The following BAHCC1 variants were observed in gnomAD, a reference collection of about 807,000 sequenced individuals.
BAHCC1 encodes BAH domain and coiled-coil containing 1.
A neutral mutation model predicts 88.2 loss-of-function variants in BAHCC1; 43 were observed. The observed-to-expected ratio is 0.49, with a 90% CI of 0.38 to 0.63. BAHCC1 has a LOEUF of 0.63. BAHCC1 is among the 20% of genes least tolerant of loss of function. BAHCC1 has a pLI of 0.00. For synonymous variants in BAHCC1, 1,510 were observed against 745.5 expected, an observed-to-expected ratio of 2.03 and a Z score of -16.71; for missense variants, 3,023 against 1,654.8, an observed-to-expected ratio of 1.83 and a Z score of -14.34.
At chr17:81,455,213 G>T in intron 14 of BAHCC1, 54 bp from the exon 15 acceptor site, 1 of 699,622 alleles carries the variant, frequency 1.4e-6, no homozygotes, top group South Asian at 1.5e-5. Context: ...AGGGGGACAA[G>T]GCTGGGGCGG....
chr17:81,453,283 G>A (rs1167329234), intron 14 of BAHCC1, among the ~76,000 whole-genome samples: 11 of 152,234 alleles, frequency 7.2e-5, no homozygotes, highest in African/African-American at 1.4e-4. Flanking sequence ...TTACCCGCCC[G>A]GCGCAGTCGT....
In BAHCC1 at chr17:81,444,561, C is replaced by T. The variant is rs1391908832; in HGVS notation, c.2505C>T (p.His835=). 14 of 725,170 alleles carry T rather than the reference C, an allele frequency of 1.9e-5. No individual in the cohort carries two copies. The highest frequency in any genetic ancestry group is 3.5e-5 in the Non-Finnish European group (14 of 396,676). 44.9% of individuals were successfully genotyped at this position (725,170 alleles called of 1,614,324 possible). A position where few individuals can be genotyped will look rare whatever the true frequency, so the allele number is the denominator to read the frequency against. The change falls in exon 7 of 28, where the codon CAC becomes CAT. Residue 835 remains histidine, a synonymous_variant. Transcript: ENST00000675386. ...GCCCCTCCCTGTGGATGGGGGGGCA[C>T]TCCTACGGTCAGTGATCCAAGGGCG... ...TRSPSLWMGG[H]SYGLGHPALH... is the part of the protein sequence containing the mutation.
At chr17:81,438,623 T>C in intron 4 of BAHCC1, 131 bp downstream of exon 4, 1 of 654,608 alleles carries the variant, frequency 1.5e-6, no homozygotes, top group Non-Finnish European at 2.8e-6. Flanking sequence ...GAGGCCAGGG[T>C]GGGGGCTAGA....
At position 81,457,412 on chromosome 17, in the gene BAHCC1, A is replaced by G. The variant is rs781790603; in HGVS notation, c.4861A>G (p.Ser1621Gly). 20 of 768,508 alleles carry G rather than the reference A, an allele frequency of 2.6e-5. No individual in the cohort carries two copies. Among genetic ancestry groups the G allele is most frequent in the Admixed American group, 1.4e-4 (8 of 57,386 alleles). 47.6% of individuals were successfully genotyped at this position (768,508 alleles called of 1,614,324 possible). ...PSVAASQEAG[S>G]GYDSEDCEGL... ...GGACCCCTCTGCCTCTCTCCCAGGC[A>G]GTGGCTATGACAGTGAGGACTGCGA... The change falls in exon 17 of 28, where the codon AGT becomes GGT. Residue 1621 changes from serine (S) to glycine (G), a missense_variant and splice_region_variant. By Grantham distance (56) the Ser-to-Gly change is moderately conservative. Transcript: ENST00000675386.
rs2064323911 is a variant in BAHCC1 at position 81,435,558 on chromosome 17, A to G, written c.359-2812A>G. The G allele has an allele frequency of 2.2e-6, 1 of 463,408 alleles. No individual in the cohort carries two copies. The highest frequency in any genetic ancestry group is 4.5e-6 in the Non-Finnish European group (1 of 222,822). The allele number at this position is 463,408 out of a possible 1,614,324, so 28.7% of individuals were successfully genotyped here. A position where few individuals can be genotyped will look rare whatever the true frequency, so the allele number is the denominator to read the frequency against. Reference sequence around the variant, plus strand: ...GCTCCCGTCTCAAAGGGGTCTGGGAAGGGGAGGTTCTGGAGCCCCGACGTT... The same window carrying G: ...GCTCCCGTCTCAAAGGGGTCTGGGAGGGGGAGGTTCTGGAGCCCCGACGTT... On this transcript the variant is annotated intron_variant, in intron 3 of 27. Transcript: ENST00000675386. This position sits in a 1 kb window ranked among gnomAD's most constrained non-coding sequence, Gnocchi z 4.4.
At position 81,399,147 on chromosome 17, in the gene BAHCC1, G is replaced by GTGTC; in HGVS notation, c.-206-384_-206-383insCTGT. 1 of 381,670 alleles carries GTGTC rather than the reference G, an allele frequency of 2.6e-6. No homozygotes were observed. 23.6% of individuals were successfully genotyped at this position (381,670 alleles called of 1,614,324 possible). ...CGTGTGAGTGTGTGTGTGTGTGTGTGTGTGTGCGAGTGTGCGTGATGGCTT... is the reference window on the plus strand; with the variant it reads ...CGTGTGAGTGTGTGTGTGTGTGTGTGTGTCTGTGTGCGAGTGTGCGTGATGGCTT... On this transcript the variant is annotated intron_variant, in intron 1 of 27. Coordinates refer to ENST00000675386, the MANE Select transcript of BAHCC1 (RefSeq NM_001377448.1). The surrounding 1 kb of genome is among the most constrained non-coding windows in gnomAD (Gnocchi z 4.5).
At chr17:81,431,987 T>C (rs2064266141) in intron 3 of BAHCC1, among the ~76,000 whole-genome samples, 1 of 152,154 alleles carries the variant, frequency 6.6e-6, no homozygotes, top group Non-Finnish European at 1.5e-5. Flanking sequence ...CATGGGCCCC[T>C]GCTATGTGCA....
chr17:81,457,811 G>A (rs1326375049), intron 17 of BAHCC1, among the ~76,000 whole-genome samples: 3 of 70,872 alleles, frequency 4.2e-5, no homozygotes, highest in Non-Finnish European at 8.2e-5. Flanking sequence ...CTGGGTAACC[G>A]GGGGGAGGGC....
chr17:81,456,308 G>A lies in BAHCC1; in HGVS notation c.4581G>A (p.Gln1527=). Residue 1527 remains glutamine (Q), a synonymous_variant, in exon 16 of 28, where the codon CAG becomes CAA. Transcript: ENST00000675386. The stretch of plus-strand genomic sequence containing the variant: ...CTCCCTGTTCACAGGAGAAGGCGCA[G>A]TGTAAGAAGAGCAGCTGTCAGGGCG... ...GLQTASVEKA[Q]CKKSSCQGGL... 1.4e-6 allele frequency: 1 copy of A among 717,936 alleles called. No individual in the cohort carries two copies. The highest frequency in any genetic ancestry group is 1.5e-5 in the South Asian group (1 of 67,552). The allele number at this position is 717,936 out of a possible 1,614,324, so 44.5% of individuals were successfully genotyped here. A position where few individuals can be genotyped will look rare whatever the true frequency, so the allele number is the denominator to read the frequency against.
intron 15 of BAHCC1, chr17:81,456,009 A>G (rs1240664404): frequency 2.1e-6 from 1 of 470,156 alleles, no homozygotes; most frequent in African/African-American, 2.1e-5. Context: ...AAAAGCTAAC[A>G]GCCTGGCCCC....
chr17:81,416,650 A>G (rs1197715569), intron 2 of BAHCC1, among the ~76,000 whole-genome samples: 1 of 152,154 alleles, frequency 6.6e-6, no homozygotes, highest in African/African-American at 2.4e-5. Context: ...GCACATGTAC[A>G]TGTCCACAAG....
intron 3 of BAHCC1, among the ~76,000 whole-genome samples, chr17:81,437,425 T>C (rs570781361): frequency 1.3e-5 from 2 of 152,302 alleles, no homozygotes; most frequent in East Asian, 3.9e-4. Context: ...CCACACTCCT[T>C]GTGGCTGGTG....
intron 11 of BAHCC1, among the ~76,000 whole-genome samples, chr17:81,451,445 C>T (rs1445166783): frequency 6.6e-6 from 1 of 152,182 alleles, no homozygotes; most frequent in African/African-American, 2.4e-5. Context: ...GTGGGTCCTC[C>T]CAGCTGGCCC....
rs1555654595 is a variant in BAHCC1 at position 81,447,064 on chromosome 17, G to GA, written c.3192_3193insA (p.Ala1065SerfsTer15). The GA allele has an allele frequency of 1.3e-6, 1 of 779,332 alleles. No individual in the cohort carries two copies. The highest frequency in any genetic ancestry group is 2.4e-6 in the Non-Finnish European group (1 of 417,930). 48.3% of individuals were successfully genotyped at this position (779,332 alleles called of 1,614,324 possible). ...TGCCTCCCGGATACCTGCGCCCCAT[G>GA]GCTGGCCTGGGCTTCTCCCTACCCT... On this transcript the variant is annotated frameshift_variant, in exon 11 of 28. Transcript: ENST00000675386. LOFTEE classifies it high-confidence loss of function.
intron 1 of BAHCC1, chr17:81,396,102 A>C (rs899914683): frequency 1.3e-5 from 2 of 151,882 alleles, no homozygotes; most frequent in Admixed American, 1.3e-4. Context: ...TCGCTCCCCT[A>C]CCCTGCTCCC....
In BAHCC1 at chr17:81,460,410, C is replaced by G. The variant is rs782379097; in HGVS notation, c.6025+14C>G. Reference sequence around the variant, plus strand: ...TCAAGATCCAGTGTGAGCCTGGGAGCTGCACGGGGCAGGGCCCTGCCTGGG... The same window carrying G: ...TCAAGATCCAGTGTGAGCCTGGGAGGTGCACGGGGCAGGGCCCTGCCTGGG... On this transcript the variant is annotated intron_variant, in intron 24 of 27. Transcript: ENST00000675386. 4 of 751,494 alleles carry G rather than the reference C, an allele frequency of 5.3e-6. No individual in the cohort carries two copies. Among genetic ancestry groups the G allele is most frequent in the South Asian group, 1.4e-5 (1 of 70,576 alleles). 46.6% of individuals were successfully genotyped at this position (751,494 alleles called of 1,614,324 possible).
In BAHCC1 at chr17:81,399,875, G is replaced by A; in HGVS notation, c.136G>A (p.Gly46Arg). The A allele has an allele frequency of 1.4e-6, 2 of 1,451,318 alleles. No homozygotes were observed. The highest frequency in any genetic ancestry group is 1.8e-6 in the Non-Finnish European group (2 of 1,100,376). The allele number at this position is 1,451,318 out of a possible 1,614,324, so 89.9% of individuals were successfully genotyped here. A position where few individuals can be genotyped will look rare whatever the true frequency, so the allele number is the denominator to read the frequency against. ...GCAGCCCCCCGCACACTTCCAGCCG[G>A]GAAAGTACTTCCCGTCGCCGTTGCC... ...AAQPPAHFQP[G>R]KYFPSPLPMA... The change falls in exon 2 of 28, where the codon GGA (glycine) becomes AGA (arginine). Residue 46 changes from glycine to arginine, a missense_variant. By Grantham distance (125) the Gly-to-Arg change is moderately radical (BLOSUM62 -2). Transcript: ENST00000675386. This position sits in a 1 kb window ranked among gnomAD's most constrained non-coding sequence, Gnocchi z 4.5.
chr17:81,445,488 G>A lies in BAHCC1; in HGVS notation c.2970G>A (p.Leu990=). ...CACCCGCTGCAGGCCCCACCAAGCTGCCACCTTGCTGCCATCCGCCCGACC... is the reference window on the plus strand; with the variant it reads ...CACCCGCTGCAGGCCCCACCAAGCTACCACCTTGCTGCCATCCGCCCGACC... ...APSPAAGPTK[L]PPCCHPPDPK... The change falls in exon 10 of 28, where the codon CTG becomes CTA. Residue 990 remains leucine (L), a synonymous_variant. Coordinates refer to ENST00000675386, the MANE Select transcript of BAHCC1 (RefSeq NM_001377448.1). 1 of 750,758 alleles carries A rather than the reference G, an allele frequency of 1.3e-6. No homozygotes were observed. The highest frequency in any genetic ancestry group is 2.5e-6 in the Non-Finnish European group (1 of 405,354). 46.5% of individuals were successfully genotyped at this position (750,758 alleles called of 1,614,324 possible). A position where few individuals can be genotyped will look rare whatever the true frequency, so the allele number is the denominator to read the frequency against.
chr17:81,439,707 G>A (rs1177980043), intron 4 of BAHCC1, among the ~76,000 whole-genome samples: 1 of 151,950 alleles, frequency 6.6e-6, no homozygotes, highest in Non-Finnish European at 1.5e-5. Context: ...TGGAGCTCAG[G>A]GTGGGGGCAG....
Sources: gnomAD v4.1 joint callset for allele counts (sites outside exome capture counted in the v4.1 genomes callset) on GRCh38, gnomAD v4.1.1 for gene constraint, Gnocchi (gnomAD v3.1) non-coding constraint, MANE v1.5 for transcripts, NCBI Gene and HGNC (gene_info 2026-07-23, HGNC 2026-07-21) for gene names.